The following FAM91A1 variants were observed in gnomAD, a reference collection of about 807,000 sequenced individuals.
The protein encoded by FAM91A1 is protein FAM91A1.
In FAM91A1, 41 loss-of-function variants were observed where a neutral mutation model predicts 113.5. That is an observed-to-expected ratio of 0.36 (90% CI 0.28 to 0.47). FAM91A1 has a LOEUF of 0.47. FAM91A1 is among the 20% of genes least tolerant of loss of function. The pLI is 1.00. For missense variants in FAM91A1, 696 were observed against 1,001.2 expected, an observed-to-expected ratio of 0.70 and a Z score of 4.11; for synonymous variants, 307 against 347.9, an observed-to-expected ratio of 0.88 and a Z score of 1.31.
intron 4 of FAM91A1, among the ~76,000 whole-genome samples, chr8:123,777,693 T>A (rs1380041470): frequency 6.6e-6 from 1 of 152,250 alleles, no homozygotes; most frequent in Non-Finnish European, 1.5e-5. Context: ...GCTGTTTTAG[T>A]ATGCTTACTT....
intron 15 of FAM91A1, among the ~76,000 whole-genome samples, chr8:123,795,922 A>T (rs1044205251): frequency 1.3e-5 from 2 of 152,230 alleles, no homozygotes; most frequent in Admixed American, 6.5e-5. Flanking sequence ...GCCAGCTGCC[A>T]GTCTTTTGGC....
At chr8:123,778,853 T>TA (rs1250250251) in intron 6 of FAM91A1, 81 bp downstream of exon 6, 7 of 932,966 alleles carry the variant, frequency 7.5e-6, no homozygotes, top group Non-Finnish European at 1.0e-5. Flanking sequence ...TATAATTTTT[T>TA]AAAAAGTAAC....
In FAM91A1 at chr8:123,814,411, A is replaced by G. The variant is rs1816024723; in HGVS notation, c.*1707A>G. On this transcript the variant is annotated 3_prime_UTR_variant, in exon 24 of 24. Coordinates refer to ENST00000334705, the MANE Select transcript of FAM91A1 (RefSeq NM_144963.4). ...CCTTTGTTTGAACTGTAGTTATTTT[A>G]TTTATTCCTATATTAACCATCTAAA... The G allele has an allele frequency of 5.1e-6, 1 of 197,254 alleles. No individual in the cohort carries two copies. Among genetic ancestry groups the G allele is most frequent in the South Asian group, 7.5e-5 (1 of 13,380 alleles). The allele number at this position is 197,254 out of a possible 1,614,324, so 12.2% of individuals were successfully genotyped here.
chr8:123,795,180 G>T (rs1012769963), intron 15 of FAM91A1, among the ~76,000 whole-genome samples: 1 of 152,148 alleles, frequency 6.6e-6, no homozygotes, highest in Non-Finnish European at 1.5e-5. Flanking sequence ...CATTTTAAGA[G>T]GTTTGGCTTA....
intron 5 of FAM91A1, 112 bp downstream of exon 5, chr8:123,778,204 A>C (rs1815034650): frequency 1.4e-6 from 1 of 731,398 alleles, no homozygotes; most frequent in Non-Finnish European, 2.2e-6. Flanking sequence ...AAATGTACTT[A>C]ACACAGAAAC....
chr8:123,802,425 A>G lies in FAM91A1; in HGVS notation c.1809+2540A>G, dbSNP rs997660915. 7.2e-4 allele frequency among the ~76,000 whole-genome samples: 110 copies of G among 152,270 alleles called. 1 individual carries two copies. The highest frequency in any genetic ancestry group is 2.6e-3 in the African/African-American group (109 of 41,554). On this transcript the variant is annotated intron_variant, in intron 18 of 23. Coordinates refer to ENST00000334705, the MANE Select transcript of FAM91A1 (RefSeq NM_144963.4). ...CACTACTGTAGGGAACATAGGAGGA[A>G]GTGACATCACAGGAGGTGGTGATAT...
chr8:123,789,795 T>C lies in FAM91A1; in HGVS notation c.1411+50T>C, dbSNP rs766431793. The C allele has an allele frequency of 1.8e-5, 29 of 1,586,048 alleles. No individual in the cohort carries two copies. In the South Asian group the frequency reaches 2.6e-4, roughly 14 times the overall value. On this transcript the variant is annotated intron_variant, in intron 15 of 23. Transcript: ENST00000334705. The stretch of plus-strand genomic sequence containing the variant: ...AAGACATGATCATATGAAACTTTTT[T>C]CTAAGAAATTAAACAGATCATGCTC...
chr8:123,781,648 A>C (rs934532848), intron 8 of FAM91A1, among the ~76,000 whole-genome samples: 2 of 151,322 alleles, frequency 1.3e-5, no homozygotes, highest in Admixed American at 6.6e-5. Flanking sequence ...TGGCTAATTT[A>C]CTCTACAGGT....
chr8:123,785,259 G>A, intron 10 of FAM91A1, 140 bp downstream of exon 10: 1 of 728,090 alleles, frequency 1.4e-6, no homozygotes, highest in Non-Finnish European at 2.2e-6. Context: ...CACAGTAAAG[G>A]GGCACTTGCA....
chr8:123,772,218 G>T (rs1261613568), intron 1 of FAM91A1, among the ~76,000 whole-genome samples: 1 of 152,194 alleles, frequency 6.6e-6, no homozygotes, highest in African/African-American at 2.4e-5. Flanking sequence ...TTAATGCTGA[G>T]AGCCAAAGCT....
intron 1 of FAM91A1, among the ~76,000 whole-genome samples, chr8:123,772,802 A>T (rs112057521): frequency 6.6e-6 from 1 of 152,318 alleles, no homozygotes; most frequent in Non-Finnish European, 1.5e-5. Context: ...ATGAACACAT[A>T]TTTTGTATGT....
chr8:123,785,518 A>G (rs1815230233), intron 10 of FAM91A1, 111 bp from the exon 11 acceptor site: 1 of 733,320 alleles, frequency 1.4e-6, no homozygotes, highest in Non-Finnish European at 2.3e-6. Context: ...TGGTTACGGG[A>G]TGAAAATGTT....
intron 8 of FAM91A1, among the ~76,000 whole-genome samples, chr8:123,781,117 A>G (rs536469904): frequency 6.6e-6 from 1 of 152,306 alleles, no homozygotes; most frequent in African/African-American, 2.4e-5. Flanking sequence ...ATATCCTTGA[A>G]TACAGAGTGA....
intron 15 of FAM91A1, among the ~76,000 whole-genome samples, chr8:123,791,977 C>T (rs998305350): frequency 1.1e-4 from 17 of 152,234 alleles, no homozygotes; most frequent in African/African-American, 4.1e-4. Context: ...GAGTTCAACA[C>T]CAGCATGGCC....
chr8:123,785,086 A>G lies in FAM91A1; in HGVS notation c.816A>G (p.Ala272=). 1 of 1,589,800 alleles carries G rather than the reference A, an allele frequency of 6.3e-7. No homozygotes were observed. The highest frequency in any genetic ancestry group is 8.5e-7 in the Non-Finnish European group (1 of 1,170,190). ...ATTTTAATTTTATCTTCTAGCTTGCAAATGTCCTTGAGATTGACTTATCCC... is the reference window on the plus strand; with the variant it reads ...ATTTTAATTTTATCTTCTAGCTTGCGAATGTCCTTGAGATTGACTTATCCC... ...IDEHTNVAEL[A]NVLEIDLSLV... Residue 272 remains alanine (A), a synonymous_variant, in exon 10 of 24, where the codon GCA becomes GCG. Coordinates refer to ENST00000334705, the MANE Select transcript of FAM91A1 (RefSeq NM_144963.4).
intron 23 of FAM91A1, chr8:123,810,835 T>A (rs1815937993): frequency 6.1e-6 from 1 of 164,604 alleles, no homozygotes; most frequent in South Asian, 1.6e-4. Flanking sequence ...TTCAACGTTA[T>A]GAAATCAATA....
At position 123,780,021 on chromosome 8, in the gene FAM91A1, A is replaced by G; in HGVS notation, c.586A>G (p.Ile196Val). Reference sequence around the variant, plus strand: ...GCCTGAGAAATGCGCTGTTGATAAGATCATCGATTCAGGCCCTCAACTCTC... The same window carrying G: ...GCCTGAGAAATGCGCTGTTGATAAGGTCATCGATTCAGGCCCTCAACTCTC... ...TLPEKCAVDK[I>V]IDSGPQLSGS... is the part of the protein sequence containing the mutation. The change falls in exon 7 of 24, where the codon ATC becomes GTC. Residue 196 changes from isoleucine (I) to valine (V), a missense_variant. By Grantham distance (29) the Ile-to-Val change is conservative (BLOSUM62 3). Coordinates refer to ENST00000334705, the MANE Select transcript of FAM91A1 (RefSeq NM_144963.4). 2 of 1,613,638 alleles carry G rather than the reference A, an allele frequency of 1.2e-6. No individual in the cohort carries two copies. Among genetic ancestry groups the G allele is most frequent in the Non-Finnish European group, 1.7e-6 (2 of 1,179,698 alleles).
intron 23 of FAM91A1, 198 bp from the exon 24 acceptor site, chr8:123,812,321 C>T (rs541181931): frequency 6.4e-5 from 26 of 405,700 alleles, no homozygotes; most frequent in East Asian, 5.9e-4. Context: ...TACAGTTTAA[C>T]GTTGTTAGTC....
intron 9 of FAM91A1, chr8:123,784,811 A>G (rs1334154052): frequency 2.3e-6 from 1 of 431,208 alleles, no homozygotes; most frequent in African/African-American, 2.1e-5. Context: ...AAAGTATTGT[A>G]GACTATATTG....
Sources: gnomAD v4.1 joint callset for allele counts (sites outside exome capture counted in the v4.1 genomes callset) on GRCh38, gnomAD v4.1.1 for gene constraint, MANE v1.5 for transcripts, NCBI Gene and HGNC (gene_info 2026-07-23, HGNC 2026-07-21) for gene names.